PDE10A: variants seen among roughly 807,000 people sequenced by gnomAD.
PDE10A encodes phosphodiesterase 10A, also known as cAMP and cAMP-inhibited cGMP 3',5'-cyclic phosphodiesterase 10A.
PDE10A carries 39 observed loss-of-function variants against 97.7 expected under a neutral mutation model. The ratio of observed to expected loss-of-function variants is 0.40; its 90% CI spans 0.31 to 0.52. The LOEUF is 0.52. PDE10A is among the 20% of genes least tolerant of loss of function. The pLI is 0.56. For missense variants in PDE10A, 731 were observed against 1,047.8 expected, an observed-to-expected ratio of 0.70 and a Z score of 4.17; for synonymous variants, 371 against 376.8, an observed-to-expected ratio of 0.98 and a Z score of 0.18.
At chr6:165,520,020 A>G (rs1302329339) in intron 2 of PDE10A, among the ~76,000 whole-genome samples, 2 of 152,138 alleles carry the variant, frequency 1.3e-5, no homozygotes, top group African/African-American at 4.8e-5. Context: ...CTTTGCTTTT[A>G]TTTCTCTTGA....
intron 1 of PDE10A, among the ~76,000 whole-genome samples, chr6:165,691,960 A>G (rs1044074232): frequency 1.4e-4 from 22 of 152,216 alleles, no homozygotes; most frequent in African/African-American, 5.3e-4. Flanking sequence ...ATGTGCACTG[A>G]ATGAACTGAT....
chr6:165,582,623 A>G lies in PDE10A; in HGVS notation c.866-39055T>C, dbSNP rs186966220. Among the ~76,000 whole-genome samples the G allele has an allele frequency of 4.1e-3, 621 of 152,116 alleles. 1 individual carries two copies. The highest frequency in any genetic ancestry group is 0.014 in the African/African-American group (596 of 41,534). On this transcript the variant is annotated intron_variant, in intron 1 of 21. Coordinates refer to ENST00000539869, the MANE Select transcript of PDE10A (RefSeq NM_001385079.1). ...TTTGACTCAACTCAAAGGAAAAAAA[A>G]TAACTATACACCAAAAGAAACACCA...
intron 1 of PDE10A, among the ~76,000 whole-genome samples, chr6:165,717,268 C>A (rs1181825609): frequency 6.6e-6 from 1 of 152,144 alleles, no homozygotes; most frequent in Non-Finnish European, 1.5e-5. Context: ...TTGCTTCTAC[C>A]TCTGGGCTTT....
At chr6:165,344,300 A>G (rs1322180769) in intron 18 of PDE10A, among the ~76,000 whole-genome samples, 1 of 152,246 alleles carries the variant, frequency 6.6e-6, no homozygotes, top group Non-Finnish European at 1.5e-5. Context: ...TGAAGTCTCT[A>G]CTTAACAGAA....
intron 1 of PDE10A, among the ~76,000 whole-genome samples, chr6:165,608,378 G>A (rs1787327362): frequency 3.3e-5 from 5 of 151,358 alleles, no homozygotes; most frequent in Admixed American, 3.3e-4. Flanking sequence ...TTTTGTCCTT[G>A]CGATAGTTTG....
Position 165,418,509 on chromosome 6 carries a change from T to C in PDE10A, c.1796+126A>G. On this transcript the variant is annotated intron_variant, in intron 11 of 21. Coordinates refer to ENST00000539869, the MANE Select transcript of PDE10A (RefSeq NM_001385079.1). This position sits in a 1 kb window ranked among gnomAD's most constrained non-coding sequence, Gnocchi z 4.8. ...AGTACTACCTTCAGGAGGCGGGTCC[T>C]GGTGGGAATGATATCACAGTATGAC... is the stretch of plus-strand genomic sequence containing the variant. 1.2e-6 allele frequency: 1 copy of C among 861,974 alleles called. No homozygotes were observed. The highest frequency in any genetic ancestry group is 1.7e-5 in the African/African-American group (1 of 58,960). The allele number at this position is 861,974 out of a possible 1,614,324, so 53.4% of individuals were successfully genotyped here.
intron 1 of PDE10A, among the ~76,000 whole-genome samples, chr6:165,625,095 C>T (rs375232703): frequency 5.3e-5 from 8 of 150,322 alleles, no homozygotes; most frequent in African/African-American, 7.5e-5. Flanking sequence ...GCTGGAGAGA[C>T]GGCCGAGTGG....
intron 1 of PDE10A, among the ~76,000 whole-genome samples, chr6:165,604,518 TAAAA>T (rs34272357): frequency 7.3e-6 from 1 of 137,780 alleles, no homozygotes. Context: ...CTCTCTTTGT[TAAAA>T]AAAAAAAAAA....
At chr6:165,665,023 C>T (rs918999864), upstream of PDE10A, among the ~76,000 whole-genome samples, 1 of 152,168 alleles carries the variant, frequency 6.6e-6, no homozygotes, top group African/African-American at 2.4e-5. Context: ...TTTCATTAAC[C>T]CTTTCCCAGA....
chr6:165,942,011 A>G (rs1184850252), intron 1 of PDE10A, among the ~76,000 whole-genome samples: 3 of 152,152 alleles, frequency 2.0e-5, no homozygotes, highest in African/African-American at 4.8e-5. Context: ...TCCTATCCAC[A>G]TAGCCATCCT....
intron 1 of PDE10A, among the ~76,000 whole-genome samples, chr6:165,609,596 T>C (rs938177371): frequency 1.1e-4 from 17 of 152,308 alleles, no homozygotes; most frequent in African/African-American, 3.6e-4. Flanking sequence ...CATGATTGTA[T>C]ATCTAGAAAA....
intron 18 of PDE10A, among the ~76,000 whole-genome samples, chr6:165,374,957 C>G (rs2128204822): frequency 6.6e-6 from 1 of 152,178 alleles, no homozygotes; most frequent in Admixed American, 6.5e-5. Context: ...ACCATTGTAA[C>G]TATTTGTGGG....
At chr6:165,518,415 C>A (rs1447973387) in intron 2 of PDE10A, among the ~76,000 whole-genome samples, 1 of 152,180 alleles carries the variant, frequency 6.6e-6, no homozygotes, top group Non-Finnish European at 1.5e-5. Context: ...AAATCTCACA[C>A]TGGCCAGCTC....
intron 1 of PDE10A, among the ~76,000 whole-genome samples, chr6:165,685,376 G>A (rs1443594708): frequency 6.6e-6 from 1 of 151,716 alleles, no homozygotes; most frequent in Admixed American, 6.6e-5. Flanking sequence ...GCATCCTTCT[G>A]CTTGGGGCTT....
chr6:165,463,847 G>A (rs1446423959), intron 3 of PDE10A, among the ~76,000 whole-genome samples: 1 of 152,200 alleles, frequency 6.6e-6, no homozygotes, highest in Non-Finnish European at 1.5e-5. Flanking sequence ...CCACTTAAAG[G>A]CATTCTTAAG....
chr6:165,469,662 G>C (rs996043510), intron 3 of PDE10A, among the ~76,000 whole-genome samples: 2 of 152,148 alleles, frequency 1.3e-5, no homozygotes, highest in Non-Finnish European at 2.9e-5. Flanking sequence ...TTATCATCAA[G>C]AATGAGTGGT....
chr6:165,596,377 C>A (rs1786595957), intron 1 of PDE10A, among the ~76,000 whole-genome samples: 1 of 152,170 alleles, frequency 6.6e-6, no homozygotes, highest in Non-Finnish European at 1.5e-5. Flanking sequence ...ACAGTCGGTT[C>A]TCAATACAGT....
chr6:165,928,809 TCAACAAG>T (rs1488590724), intron 1 of PDE10A, among the ~76,000 whole-genome samples: 1 of 152,156 alleles, frequency 6.6e-6, no homozygotes, highest in Non-Finnish European at 1.5e-5. Flanking sequence ...CAATCTTTTC[TCAACAAG>T]CAATTGCTCA....
At chr6:165,663,244 C>A (rs1445241862), upstream of PDE10A, among the ~76,000 whole-genome samples, 1 of 150,382 alleles carries the variant, frequency 6.6e-6, no homozygotes, top group Non-Finnish European at 1.5e-5. Flanking sequence ...CGCCCACTGG[C>A]GGAGCAGGCG....
Sources: gnomAD v4.1 joint callset for allele counts (sites outside exome capture counted in the v4.1 genomes callset) on GRCh38, gnomAD v4.1.1 for gene constraint, Gnocchi (gnomAD v3.1) non-coding constraint, MANE v1.5 for transcripts, NCBI Gene and HGNC (gene_info 2026-07-23, HGNC 2026-07-21) for gene names.